Variants in B9D1 observed in about 807,000 individuals in gnomAD.
B9D1 encodes the protein B9 domain containing 1.
In B9D1, 20 loss-of-function variants were observed where a neutral mutation model predicts 26.1. The observed-to-expected ratio is 0.77, with a 90% confidence interval of 0.54 to 1.12. The LOEUF is 1.12. Among genes scored for constraint, B9D1 ranks in the 50% most tolerant of loss-of-function variants. The pLI, the probability that B9D1 is intolerant of heterozygous loss-of-function variation, is 0.00. For synonymous variants in B9D1, 105 were observed against 103.1 expected (o/e 1.02, Z -0.11); for missense variants, 260 against 273.7 (o/e 0.95, Z 0.35).
chr17:19,341,074 G>A (rs1472852869), downstream of B9D1: 27 of 1,197,682 alleles, frequency 2.3e-5, no homozygotes, highest in Non-Finnish European at 2.7e-5. Context: ...GTAAAATGAT[G>A]TCAACTTTTC....
intron 3 of B9D1, among the ~76,000 whole-genome samples, chr17:19,351,931 G>C (rs902594715): frequency 6.6e-6 from 1 of 152,148 alleles, no homozygotes; most frequent in South Asian, 2.1e-4. Context: ...TGGCACCCAG[G>C]CTGGAGTGCA....
rs764022966 is a variant in B9D1 at position 19,362,529 on chromosome 17, T to C, written c.41A>G (p.Asn14Ser). 8 of 1,583,072 alleles carry C rather than the reference T, an allele frequency of 5.1e-6. No homozygotes were observed. The highest frequency in any genetic ancestry group is 3.6e-5 in the Admixed American group (2 of 56,098). ...ASPSVFLLMVNGQVESAQFPE... is the reference protein window; with the variant it reads ...ASPSVFLLMVSGQVESAQFPE... ...CACCTGGGCGCTCTCCACCTGCCCG[T>C]TGACCATGAGTAGAAAGACGCTAGG... The change falls in exon 1 of 7, where the codon AAC becomes AGC. Residue 14 changes from asparagine (N) to serine (S), a missense_variant. By Grantham distance (46) the Asn-to-Ser change is conservative (BLOSUM62 1). Coordinates refer to ENST00000261499, the MANE Select transcript of B9D1 (RefSeq NM_015681.6).
At chr17:19,335,311 G>A (rs915106654), downstream of B9D1, 152 of 1,302,504 alleles carry the variant, frequency 1.2e-4, no homozygotes, top group Non-Finnish European at 1.4e-4. Context: ...TTTTTCTTAC[G>A]AATATACCAA....
intron 1 of B9D1, among the ~76,000 whole-genome samples, chr17:19,373,240 T>C (rs1911975669): frequency 6.6e-6 from 1 of 152,084 alleles, no homozygotes; most frequent in African/African-American, 2.4e-5. Context: ...GAGATAATAA[T>C]TACCATATCA....
Position 19,375,442 on chromosome 17 carries a change from G to A in B9D1, c.-298+2417C>T, listed in dbSNP as rs184181452. 6.6e-5 allele frequency among the ~76,000 whole-genome samples: 10 copies of A among 151,886 alleles called. No homozygotes were observed. The East Asian group carries it at 1.8e-3, about 27-fold the overall frequency. On this transcript the variant is annotated intron_variant, in intron 1 of 5. Transcript: ENST00000477478. The stretch of plus-strand genomic sequence containing the variant: ...TGACGTATCACTTCACACCCACTAG[G>A]ATGGCTATAATTAAAAAATAATAAT...
At chr17:19,338,351 A>G (rs1907632219), downstream of B9D1, among the ~76,000 whole-genome samples, 1 of 152,144 alleles carries the variant, frequency 6.6e-6, no homozygotes, top group Non-Finnish European at 1.5e-5. Context: ...CAGCTTTCTC[A>G]CCTGCTGCCT....
chr17:19,352,712 G>T (rs1909787769), intron 3 of B9D1, among the ~76,000 whole-genome samples: 1 of 152,020 alleles, frequency 6.6e-6, no homozygotes, highest in African/African-American at 2.4e-5. Flanking sequence ...GTAGAGACAG[G>T]GTTTCTCCAT....
At chr17:19,335,862 C>A (rs1907398765), downstream of B9D1, 1 of 158,230 alleles carries the variant, frequency 6.3e-6, no homozygotes, top group African/African-American at 2.4e-5. Flanking sequence ...CCAGAAAAGA[C>A]TTGCTTTTAC....
At position 19,362,664 on chromosome 17, in the gene B9D1, G is replaced by A; in HGVS notation, c.-95C>T. On this transcript the variant is annotated 5_prime_UTR_variant, in exon 1 of 7. Coordinates refer to ENST00000261499, the MANE Select transcript of B9D1 (RefSeq NM_015681.6). ...CTAGAAACAGACGGCGTAGCGCGCA[G>A]GACACGTTTCTTGGCAGCGACACCT... is the stretch of plus-strand genomic sequence containing the variant. The A allele has an allele frequency of 9.7e-6, 15 of 1,548,982 alleles. No homozygotes were observed. The highest frequency in any genetic ancestry group is 1.3e-5 in the Non-Finnish European group (15 of 1,146,876).
rs1163925871 is a variant in B9D1 at position 19,362,497 on chromosome 17, G to A, written c.63+10C>T. The A allele has an allele frequency of 1.3e-6, 2 of 1,557,060 alleles. No homozygotes were observed. The highest frequency in any genetic ancestry group is 1.7e-6 in the Non-Finnish European group (2 of 1,150,040). ...GGGGGCGGGCCCCGGCGGGGTCCAC[G>A]GCCGCTCACCTGGGCGCTCTCCACC... On this transcript the variant is annotated intron_variant, in intron 1 of 6. Coordinates refer to ENST00000261499, the MANE Select transcript of B9D1 (RefSeq NM_015681.6).
upstream of B9D1, chr17:19,362,965 T>C (rs1911335475): frequency 1.6e-4 from 52 of 321,106 alleles, no homozygotes; most frequent in South Asian, 1.3e-3. Context: ...AGCTGAGTCC[T>C]GGGGAGCAGC....
chr17:19,356,147 A>G (rs1299327449), intron 3 of B9D1, among the ~76,000 whole-genome samples: 1 of 152,022 alleles, frequency 6.6e-6, no homozygotes, highest in African/African-American at 2.4e-5. Context: ...GCTGGAGTGC[A>G]GTGGCATAAT....
chr17:19,367,387 C>G (rs193189559), upstream of B9D1, among the ~76,000 whole-genome samples: 1 of 149,822 alleles, frequency 6.7e-6, no homozygotes, highest in African/African-American at 2.5e-5. Flanking sequence ...TCTCGGCTCA[C>G]TGCAACCTCT....
In B9D1 at chr17:19,362,686, AC is replaced by A; in HGVS notation, c.-118del. The stretch of plus-strand genomic sequence containing the variant: ...GCAGGACACGTTTCTTGGCAGCGAC[AC>A]CTTCGCGAAGGCCACGCGAGTGCGC... On this transcript the variant is annotated 5_prime_UTR_variant, in exon 1 of 7. Transcript: ENST00000261499. 1 of 1,527,242 alleles carries A rather than the reference AC, an allele frequency of 6.5e-7. No individual in the cohort carries two copies. The highest frequency in any genetic ancestry group is 1.2e-5 in the South Asian group (1 of 83,722). The allele number at this position is 1,527,242 out of a possible 1,614,324, so 94.6% of individuals were successfully genotyped here. A position where few individuals can be genotyped will look rare whatever the true frequency, so the allele number is the denominator to read the frequency against.
At chr17:19,337,596 GGT>G (rs1907551004), downstream of B9D1, 1 of 891,596 alleles carries the variant, frequency 1.1e-6, no homozygotes, top group South Asian at 1.5e-5. Context: ...GAGAAAGAAG[GGT>G]GTGTGGGATG....
chr17:19,364,064 C>G (rs931243966), upstream of B9D1, among the ~76,000 whole-genome samples: 4 of 152,216 alleles, frequency 2.6e-5, no homozygotes, highest in African/African-American at 7.2e-5. This position sits in a 1 kb window ranked among gnomAD's most constrained non-coding sequence, Gnocchi z 4.3. Context: ...TTCTATCAGT[C>G]TCACCCAATT....
At chr17:19,341,312 G>A (rs1233525293), downstream of B9D1, 9 of 1,231,876 alleles carry the variant, frequency 7.3e-6, no homozygotes, top group Admixed American at 4.2e-5. Context: ...ACAGCTTTCC[G>A]GGGAGCTGTG....
At chr17:19,355,181 G>A (rs1294922767) in intron 3 of B9D1, among the ~76,000 whole-genome samples, 2 of 152,080 alleles carry the variant, frequency 1.3e-5, no homozygotes, top group African/African-American at 4.8e-5. Context: ...TTAATCTGCT[G>A]AATTCCTGCT....
chr17:19,337,736 G>A (rs762395732), downstream of B9D1: 3 of 1,535,108 alleles, frequency 2.0e-6, no homozygotes, highest in Non-Finnish European at 2.6e-6. Flanking sequence ...TTGACAGACA[G>A]CCCTGAAGGT....
Sources: gnomAD v4.1 joint callset for allele counts (sites outside exome capture counted in the v4.1 genomes callset) on GRCh38, gnomAD v4.1.1 for gene constraint, Gnocchi (gnomAD v3.1) non-coding constraint, MANE v1.5 for transcripts, NCBI Gene and HGNC (gene_info 2026-07-23, HGNC 2026-07-21) for gene names.